RGS6: variants seen among roughly 807,000 people sequenced by gnomAD.
RGS6 encodes regulator of G protein signaling 6.
Under a neutral mutation model 78.5 loss-of-function variants are expected in RGS6, and 30 were observed. That is an observed-to-expected ratio of 0.38 (90% CI 0.29 to 0.52). RGS6 has a LOEUF of 0.52. Among genes scored for constraint, RGS6 ranks in the 20% least tolerant of loss-of-function variants. RGS6 has a pLI of 0.85. For missense variants in RGS6, 495 were observed against 609.7 expected (o/e 0.81, Z 1.98); for synonymous variants, 206 against 206.0 (o/e 1.00, Z 0.00).
At chr14:71,994,908 C>T (rs895203018) in intron 2 of RGS6, among the ~76,000 whole-genome samples, 3 of 152,130 alleles carry the variant, frequency 2.0e-5, no homozygotes, top group African/African-American at 7.2e-5. Flanking sequence ...GTTGCTGTGG[C>T]CCCAAGAAAG....
At chr14:72,037,810 A>G (rs1250590884) in intron 2 of RGS6, among the ~76,000 whole-genome samples, 1 of 149,030 alleles carries the variant, frequency 6.7e-6, no homozygotes, top group East Asian at 2.0e-4. Context: ...CAAAACATCA[A>G]TTTACACACT....
At chr14:72,431,795 C>A (rs567185164) in intron 3 of RGS6, among the ~76,000 whole-genome samples, 1 of 152,268 alleles carries the variant, frequency 6.6e-6, no homozygotes, top group Non-Finnish European at 1.5e-5. Context: ...GCCAAATTCT[C>A]GCTGGATCTC....
chr14:72,246,639 G>A (rs2054284946), intron 2 of RGS6, among the ~76,000 whole-genome samples: 1 of 152,170 alleles, frequency 6.6e-6, no homozygotes, highest in Non-Finnish European at 1.5e-5. Flanking sequence ...GCTTGGCGCA[G>A]TGGCTCATGC....
intron 2 of RGS6, among the ~76,000 whole-genome samples, chr14:72,133,529 C>A (rs1005727085): frequency 2.6e-5 from 4 of 152,122 alleles, no homozygotes; most frequent in African/African-American, 9.7e-5. Context: ...AACCGGGCTT[C>A]CCTTTCCCCA....
intron 2 of RGS6, among the ~76,000 whole-genome samples, chr14:72,247,999 A>G (rs1017005337): frequency 5.3e-5 from 8 of 152,240 alleles, no homozygotes; most frequent in African/African-American, 1.4e-4. Flanking sequence ...ACAACCCTAA[A>G]GAGGTAGTCA....
At chr14:72,068,075 T>C (rs753717406) in intron 2 of RGS6, among the ~76,000 whole-genome samples, 1 of 152,160 alleles carries the variant, frequency 6.6e-6, no homozygotes, top group Admixed American at 6.5e-5. Context: ...TTTAGTTGTT[T>C]AAATCCTGGG....
chr14:71,971,193 T>C (rs1234813689), intron 2 of RGS6, among the ~76,000 whole-genome samples: 1 of 152,194 alleles, frequency 6.6e-6, no homozygotes, highest in Non-Finnish European at 1.5e-5. Flanking sequence ...TTCAACTCCT[T>C]TGCATGCTGC....
chr14:72,215,387 G>T (rs1387921075), intron 2 of RGS6, among the ~76,000 whole-genome samples: 3 of 152,194 alleles, frequency 2.0e-5, no homozygotes, highest in African/African-American at 7.2e-5. Context: ...TGTTAGAAAT[G>T]CTTGTTGCCC....
intron 2 of RGS6, among the ~76,000 whole-genome samples, chr14:72,138,411 G>A (rs1361532716): frequency 6.7e-6 from 1 of 149,136 alleles, no homozygotes; most frequent in Non-Finnish European, 1.5e-5. Context: ...ATCCTTCCTG[G>A]TGGAAACTTG....
intron 2 of RGS6, among the ~76,000 whole-genome samples, chr14:72,189,665 G>A (rs1365898921): frequency 6.6e-6 from 1 of 152,124 alleles, no homozygotes; most frequent in Non-Finnish European, 1.5e-5. Flanking sequence ...ATTTTCGGTG[G>A]TCAGTTTGGC....
intron 2 of RGS6, among the ~76,000 whole-genome samples, chr14:72,031,763 T>C (rs2090931995): frequency 6.6e-6 from 1 of 152,208 alleles, no homozygotes; most frequent in Non-Finnish European, 1.5e-5. Flanking sequence ...TCAAAGAAGG[T>C]GGGCAAGCGC....
intron 3 of RGS6, among the ~76,000 whole-genome samples, chr14:72,372,479 A>G (rs2083709529): frequency 1.3e-5 from 2 of 152,212 alleles, no homozygotes; most frequent in South Asian, 2.1e-4. Context: ...CCCCTAGAAT[A>G]TTATTTTTTA....
At position 72,269,566 on chromosome 14, in the gene RGS6, AATTT is replaced by A. The variant is rs753139046; in HGVS notation, c.85-82528_85-82525del. ...TGTTTTTACAGTGAAACCTATCTTA[AATTT>A]TTTTTTTTTTTTTTTTTTTTTTTTG... On this transcript the variant is annotated intron_variant, in intron 2 of 17. Transcript: ENST00000553525. 9.4e-5 allele frequency among the ~76,000 whole-genome samples: 2 copies of A among 21,306 alleles called. 1 individual carries two copies. Among genetic ancestry groups the A allele is most frequent in the Non-Finnish European group, 1.9e-4 (2 of 10,332 alleles). The allele number at this position is 21,306 out of a possible 152,430, so 14.0% of individuals were successfully genotyped here. A position where few individuals can be genotyped will look rare whatever the true frequency, so the allele number is the denominator to read the frequency against.
chr14:72,414,366 A>C (rs531651298), intron 3 of RGS6, among the ~76,000 whole-genome samples: 32 of 152,284 alleles, frequency 2.1e-4, no homozygotes, highest in African/African-American at 7.2e-4. Flanking sequence ...TCGACTACTG[A>C]GGCTTGTGCA....
chr14:71,900,318 C>T, the RGS6 span, among the ~76,000 whole-genome samples: 4 of 152,214 alleles, frequency 2.6e-5, no homozygotes, highest in Middle Eastern at 3.4e-3. Flanking sequence ...GTATAATTAC[C>T]GCTTTTTTAT....
At chr14:71,907,643 T>C in the RGS6 span, among the ~76,000 whole-genome samples, 7 of 145,268 alleles carry the variant, frequency 4.8e-5, no homozygotes, top group South Asian at 1.5e-3. Flanking sequence ...CAGATTTATG[T>C]GGGGAGATTG....
the RGS6 span, among the ~76,000 whole-genome samples, chr14:71,918,299 G>A: frequency 1.2e-4 from 18 of 145,932 alleles, no homozygotes; most frequent in African/African-American, 4.6e-4. Flanking sequence ...AGATTTTTCA[G>A]CTTGAGTTTA....
chr14:71,921,624 G>T, the RGS6 span, among the ~76,000 whole-genome samples: 4 of 152,162 alleles, frequency 2.6e-5, no homozygotes, highest in Non-Finnish European at 4.4e-5. Context: ...GAAAAATACC[G>T]CATGATCTCA....
At chr14:72,416,170 C>A (rs901375796) in intron 3 of RGS6, among the ~76,000 whole-genome samples, 11 of 151,092 alleles carry the variant, frequency 7.3e-5, no homozygotes, top group Non-Finnish European at 1.6e-4. Flanking sequence ...AAAGTTTATT[C>A]CTAGTTTTAC....
Sources: gnomAD v4.1 joint callset for allele counts (sites outside exome capture counted in the v4.1 genomes callset) on GRCh38, gnomAD v4.1.1 for gene constraint, MANE v1.5 for transcripts, NCBI Gene and HGNC (gene_info 2026-07-23, HGNC 2026-07-21) for gene names.